ATP11B: variants seen among roughly 807,000 people sequenced by gnomAD.
The protein encoded by ATP11B is phospholipid-transporting ATPase IF.
In ATP11B, 81 loss-of-function variants were observed where a neutral mutation model predicts 157.8. The ratio of observed to expected loss-of-function variants is 0.51; its 90% CI spans 0.43 to 0.62. ATP11B has a LOEUF of 0.62. Among genes scored for constraint, ATP11B ranks in the 20% least tolerant of loss-of-function variants. ATP11B has a pLI of 0.00. For synonymous variants in ATP11B, 451 were observed against 469.4 expected (o/e 0.96, Z 0.51); for missense variants, 1,165 against 1,402.2 (o/e 0.83, Z 2.70).
intron 12 of ATP11B, 53 bp from the exon 13 acceptor site, chr3:182,865,403 A>G: frequency 1.3e-6 from 2 of 1,574,344 alleles, no homozygotes; most frequent in Admixed American, 3.6e-5. Context: ...TTCTTGTTTA[A>G]CATAGGACCA....
intron 2 of ATP11B, among the ~76,000 whole-genome samples, chr3:182,821,355 C>T (rs923998406): frequency 6.6e-6 from 1 of 152,158 alleles, no homozygotes; most frequent in Admixed American, 6.5e-5. Context: ...GATCCACCCA[C>T]CTCGGCCTCC....
intron 28 of ATP11B, among the ~76,000 whole-genome samples, chr3:182,899,644 C>G (rs1723814765): frequency 6.6e-6 from 1 of 152,126 alleles, no homozygotes; most frequent in African/African-American, 2.4e-5. Context: ...CCTGATAGAT[C>G]TCAGTTCAAA....
intron 4 of ATP11B, among the ~76,000 whole-genome samples, chr3:182,831,168 C>T (rs1224900773): frequency 1.3e-5 from 2 of 152,142 alleles, no homozygotes; most frequent in African/African-American, 4.8e-5. Flanking sequence ...TCAAACATGA[C>T]TCGATTTTTT....
intron 29 of ATP11B, chr3:182,914,765 G>A: frequency 1.0e-6 from 1 of 985,288 alleles, no homozygotes; most frequent in Non-Finnish European, 1.2e-6. Context: ...AACTTGCAAT[G>A]GATTTATTTA....
At chr3:182,859,135 T>A (rs645597) in intron 11 of ATP11B, 27 bp from the exon 12 acceptor site, 1,150,032 of 1,534,470 alleles carry the variant, frequency 0.75, 434,569 homozygotes, top group Non-Finnish European at 0.78. Context: ...ATTTTTTCTT[T>A]TCAAACAATT....
chr3:182,803,199 C>T (rs1170438828), intron 1 of ATP11B, among the ~76,000 whole-genome samples: 1 of 152,214 alleles, frequency 6.6e-6, no homozygotes, highest in Non-Finnish European at 1.5e-5. Flanking sequence ...GTTCTCCTTT[C>T]CCTACATCTT....
intron 16 of ATP11B, 23 bp from the exon 17 acceptor site, chr3:182,869,203 GAT>G (rs767762072): frequency 6.3e-7 from 1 of 1,596,568 alleles, no homozygotes; most frequent in South Asian, 1.1e-5. Context: ...TTAAGAGTCT[GAT>G]AACTCATTTT....
chr3:182,819,867 A>G (rs575955136), intron 1 of ATP11B, among the ~76,000 whole-genome samples: 1 of 152,318 alleles, frequency 6.6e-6, no homozygotes, highest in South Asian at 2.1e-4. Context: ...AAAGGGAAGG[A>G]ATGCAGTAGG....
At chr3:182,867,794 C>T (rs1721360144) in intron 15 of ATP11B, among the ~76,000 whole-genome samples, 1 of 152,034 alleles carries the variant, frequency 6.6e-6, no homozygotes, top group Non-Finnish European at 1.5e-5. Flanking sequence ...TGGTCTGAAA[C>T]TCCTAGCCTC....
chr3:182,855,068 T>C (rs1323857125), intron 10 of ATP11B, among the ~76,000 whole-genome samples: 1 of 152,186 alleles, frequency 6.6e-6, no homozygotes, highest in Non-Finnish European at 1.5e-5. Flanking sequence ...AGAAAATTTA[T>C]TCTGAAATTT....
intron 9 of ATP11B, among the ~76,000 whole-genome samples, chr3:182,847,380 TTAAAG>T (rs760985491): frequency 3.3e-5 from 5 of 152,038 alleles, no homozygotes; most frequent in African/African-American, 9.7e-5. Context: ...CCTGTTTACT[TTAAAG>T]TAAACCATAA....
intron 8 of ATP11B, chr3:182,843,437 T>C (rs1393897815): frequency 1.3e-5 from 2 of 152,260 alleles, no homozygotes; most frequent in African/African-American, 4.8e-5. Context: ...AAAAATGTTT[T>C]ATATGATGTT....
chr3:182,896,968 T>C (rs538814083), intron 26 of ATP11B, among the ~76,000 whole-genome samples: 31 of 152,180 alleles, frequency 2.0e-4, no homozygotes, highest in Non-Finnish European at 3.8e-4. Context: ...TCAGCTGATA[T>C]TTATGATCAC....
intron 23 of ATP11B, among the ~76,000 whole-genome samples, chr3:182,887,085 C>T (rs2108567167): frequency 6.6e-6 from 1 of 152,252 alleles, no homozygotes; most frequent in South Asian, 2.1e-4. Flanking sequence ...ACAGTGGTAC[C>T]TGTGACTGTT....
intron 27 of ATP11B, 141 bp from the exon 28 acceptor site, chr3:182,898,466 C>G: frequency 1.9e-6 from 1 of 537,340 alleles, no homozygotes; most frequent in Admixed American, 4.0e-5. Flanking sequence ...TTTGTTAGTT[C>G]AGTTAATTAA....
intron 28 of ATP11B, among the ~76,000 whole-genome samples, chr3:182,906,611 A>T (rs1285328367): frequency 6.6e-6 from 1 of 151,952 alleles, no homozygotes; most frequent in East Asian, 1.9e-4. Flanking sequence ...CACCATGCCC[A>T]GGTAGTTTTT....
Position 182,913,913 on chromosome 3 carries a change from C to T in ATP11B, c.3371C>T (p.Pro1124Leu), listed in dbSNP as rs138385809. 48 of 1,613,976 alleles carry T rather than the reference C, an allele frequency of 3.0e-5. No homozygotes were observed. In the African/African-American group the frequency reaches 4.3e-4, roughly 14 times the overall value. Residue 1124 changes from proline (P) to leucine (L), a missense_variant, in exon 29 of 30, where the codon CCG becomes CTG. Physicochemically the swap from Pro to Leu is moderately conservative, Grantham distance 98 (BLOSUM62 -3). Around this residue, in one of 4 missense-constraint regions of ATP11B, gnomAD observed 303 missense variants for 296.3 expected, o/e 1.02. Coordinates refer to ENST00000323116, the MANE Select transcript of ATP11B (RefSeq NM_014616.3). ...TGCTTGGACTCCATGTGCTGTTTCCCGGAAGGAGAAGCAGCGTGTGCATCT... is the reference window on the plus strand; with the variant it reads ...TGCTTGGACTCCATGTGCTGTTTCCTGGAAGGAGAAGCAGCGTGTGCATCT... ...IKCLDSMCCF[P>L]EGEAACASVG...
chr3:182,889,306 A>G, intron 24 of ATP11B, 104 bp from the exon 25 acceptor site: 7 of 843,910 alleles, frequency 8.3e-6, no homozygotes, highest in Middle Eastern at 3.7e-4. Context: ...GCAATTTTAA[A>G]TTAAAAATCT....
chr3:182,799,024 G>A (rs550957946), intron 1 of ATP11B, among the ~76,000 whole-genome samples: 115 of 152,264 alleles, frequency 7.6e-4, no homozygotes, highest in African/African-American at 2.6e-3. Context: ...CCTGGCATAG[G>A]CAGATTCAAG....
Sources: allele counts gnomAD v4.1 joint callset (sites outside exome capture counted in the v4.1 genomes callset), GRCh38; gene constraint gnomAD v4.1.1; regional missense constraint gnomAD v4.1.1; transcripts MANE v1.5; gene names NCBI Gene and HGNC (gene_info 2026-07-23, HGNC 2026-07-21).